RARB: variants seen among roughly 807,000 people sequenced by gnomAD.
RARB encodes the protein retinoic acid receptor beta.
In RARB, 17 loss-of-function variants were observed where a neutral mutation model predicts 51.9. The ratio of observed to expected loss-of-function variants is 0.33; its 90% CI spans 0.22 to 0.49. The LOEUF (loss-of-function observed/expected upper bound fraction) is 0.49. Among genes scored for constraint, RARB ranks in the 20% least tolerant of loss-of-function variants. The pLI is 0.99. For missense variants in RARB, 369 were observed against 550.8 expected, an observed-to-expected ratio of 0.67 and a Z score of 3.30; for synonymous variants, 215 against 195.4, an observed-to-expected ratio of 1.10 and a Z score of -0.84.
chr3:25,039,879 TAAATC>T (rs1698077862), intron 2 of RARB, among the ~76,000 whole-genome samples: 7 of 152,222 alleles, frequency 4.6e-5, no homozygotes, highest in Admixed American at 4.6e-4. Context: ...GGCAACTTGA[TAAATC>T]ATTCGTGGCT....
intron 1 of RARB, among the ~76,000 whole-genome samples, chr3:24,858,354 C>T (rs1395717337): frequency 6.6e-6 from 1 of 152,110 alleles, no homozygotes; most frequent in Non-Finnish European, 1.5e-5. Flanking sequence ...TTAACGATTG[C>T]CACCTGTGTG....
At chr3:25,467,565 C>T (rs917943481) in intron 2 of RARB, among the ~76,000 whole-genome samples, 1 of 145,702 alleles carries the variant, frequency 6.9e-6, no homozygotes, top group African/African-American at 2.5e-5. Flanking sequence ...ACTTCTCACC[C>T]TCTGCTTGTA....
chr3:25,427,946 A>G (rs2125511768), upstream of RARB, among the ~76,000 whole-genome samples: 1 of 152,310 alleles, frequency 6.6e-6, no homozygotes, highest in Non-Finnish European at 1.5e-5. Flanking sequence ...CGCCGCAAAT[A>G]AAAAGGCGTA....
At chr3:25,235,363 G>A (rs1702278494) in intron 5 of RARB, among the ~76,000 whole-genome samples, 1 of 152,048 alleles carries the variant, frequency 6.6e-6, no homozygotes, top group Non-Finnish European at 1.5e-5. Context: ...AAGAACAGAT[G>A]CTTCTGGAAG....
intron 5 of RARB, among the ~76,000 whole-genome samples, chr3:25,367,817 C>CAAAAAAAAAAAAAAAAAA (rs369165017): frequency 1.0e-4 from 13 of 125,606 alleles, no homozygotes; most frequent in East Asian, 2.3e-4. Flanking sequence ...AAAAAACAAG[C>CAAAAAAAAAAAAAAAAAA]AAAAAAAAAA....
chr3:25,009,485 C>T (rs771764092), intron 2 of RARB, among the ~76,000 whole-genome samples: 3 of 152,060 alleles, frequency 2.0e-5, no homozygotes, highest in Non-Finnish European at 4.4e-5. Context: ...AAATTCAGAT[C>T]CCGTGAGTCC....
At chr3:25,006,254 A>G (rs959877254) in intron 2 of RARB, among the ~76,000 whole-genome samples, 3 of 152,158 alleles carry the variant, frequency 2.0e-5, no homozygotes, top group Non-Finnish European at 2.9e-5. Flanking sequence ...TCTAAACTCA[A>G]CCAAGCTTTA....
chr3:25,411,067 C>T (rs1707548957), intron 5 of RARB, among the ~76,000 whole-genome samples: 1 of 152,240 alleles, frequency 6.6e-6, no homozygotes, highest in Non-Finnish European at 1.5e-5. Flanking sequence ...TACTTTGTAA[C>T]ATATCCTATA....
chr3:25,256,593 A>G (rs1702870184), intron 5 of RARB, among the ~76,000 whole-genome samples: 4 of 152,130 alleles, frequency 2.6e-5, no homozygotes, highest in South Asian at 4.1e-4. Context: ...ACGTATAACC[A>G]TGAGTTCAGA....
intron 2 of RARB, among the ~76,000 whole-genome samples, chr3:25,472,686 G>T (rs1695756200): frequency 6.6e-6 from 1 of 152,166 alleles, no homozygotes; most frequent in Non-Finnish European, 1.5e-5. Flanking sequence ...ATACATTTCT[G>T]TAAGGTTCCC....
intron 5 of RARB, among the ~76,000 whole-genome samples, chr3:25,221,108 T>C (rs1317681940): frequency 6.7e-6 from 1 of 149,468 alleles, no homozygotes; most frequent in Non-Finnish European, 1.5e-5. Context: ...AAGAAGTGGA[T>C]TTTCATACAA....
chr3:25,083,477 A>T (rs1412131449), intron 3 of RARB, among the ~76,000 whole-genome samples: 1 of 151,662 alleles, frequency 6.6e-6, no homozygotes, highest in Non-Finnish European at 1.5e-5. Flanking sequence ...TCATTTCTAG[A>T]ATTTTCATTT....
chr3:25,111,619 C>T (rs1284556949), intron 3 of RARB, among the ~76,000 whole-genome samples: 2 of 131,862 alleles, frequency 1.5e-5, no homozygotes, highest in Non-Finnish European at 1.6e-5. Flanking sequence ...GAGTCTGTCA[C>T]CCAGGCTAGA....
intron 3 of RARB, among the ~76,000 whole-genome samples, chr3:25,080,718 A>C (rs1698977348): frequency 1.3e-5 from 2 of 152,086 alleles, no homozygotes; most frequent in Non-Finnish European, 2.9e-5. Flanking sequence ...TTCTTTGGAG[A>C]AATCTATATT....
intron 1 of RARB, among the ~76,000 whole-genome samples, chr3:25,446,744 A>C (rs1708956846): frequency 7.3e-6 from 1 of 137,596 alleles, no homozygotes. Flanking sequence ...CGGAGCTGGC[A>C]GTGAGCCGAG....
chr3:25,190,563 A>G (rs1701077732), intron 5 of RARB, among the ~76,000 whole-genome samples: 1 of 152,192 alleles, frequency 6.6e-6, no homozygotes, highest in Non-Finnish European at 1.5e-5. Flanking sequence ...CTGATCAACT[A>G]AAAAATGCAT....
At chr3:25,024,992 A>T (rs4858684) in intron 2 of RARB, 74,589 of 145,306 alleles carry the variant, frequency 0.51, 19,688 homozygotes, top group East Asian at 0.71. Context: ...TTAAAAAGAA[A>T]AATTGGTTAG....
intron 5 of RARB, among the ~76,000 whole-genome samples, chr3:25,244,282 T>TTG (rs1702501909): frequency 1.3e-5 from 2 of 151,478 alleles, no homozygotes; most frequent in Non-Finnish European, 3.0e-5. Flanking sequence ...ATTTTTTTTT[T>TTG]TTTTTGAAGA....
rs78474721 is a variant in RARB, at chr3:25,044,594, A to G, written c.-379-15531A>G. 3.7e-3 allele frequency among the ~76,000 whole-genome samples: 557 copies of G among 152,346 alleles called. 14 individuals are homozygous for G. In the East Asian group the frequency reaches 0.052, roughly 14 times the overall value. On this transcript the variant is annotated intron_variant, in intron 2 of 11. Transcript: ENST00000383772. Reference sequence around the variant, plus strand: ...AGGAGTCGTGGTACATGGCCGGCACATGCCTGGCTTATAATAAATACTTGA... The same window carrying G: ...AGGAGTCGTGGTACATGGCCGGCACGTGCCTGGCTTATAATAAATACTTGA...
Sources: allele counts gnomAD v4.1 joint callset (sites outside exome capture counted in the v4.1 genomes callset), GRCh38; gene constraint gnomAD v4.1.1; transcripts MANE v1.5; gene names NCBI Gene and HGNC (gene_info 2026-07-23, HGNC 2026-07-21).